Variants in CTNNA2 observed in about 807,000 individuals in gnomAD.
CTNNA2 encodes the protein catenin alpha-2.
A neutral mutation model predicts 101.0 loss-of-function variants in CTNNA2; 42 were observed. The observed-to-expected ratio is 0.42, with a 90% CI of 0.32 to 0.54. The LOEUF is 0.54. Among genes scored for constraint, CTNNA2 ranks in the 20% least tolerant of loss-of-function variants. The probability of loss-of-function intolerance (pLI) is 0.14; values close to 1 mark genes in which losing one functional copy is unlikely to be tolerated. For missense variants in CTNNA2, 871 were observed against 1,223.1 expected, an observed-to-expected ratio of 0.71 and a Z score of 4.29; for synonymous variants, 450 against 456.4, an observed-to-expected ratio of 0.99 and a Z score of 0.18.
chr2:80,369,175 T>A (rs1331601501), intron 7 of CTNNA2, among the ~76,000 whole-genome samples: 4 of 152,130 alleles, frequency 2.6e-5, no homozygotes, highest in African/African-American at 9.7e-5. Context: ...CATCTTATTC[T>A]TATCTTTTTA....
chr2:80,013,645 C>T (rs566846625), intron 7 of CTNNA2, among the ~76,000 whole-genome samples: 1 of 152,282 alleles, frequency 6.6e-6, no homozygotes, highest in South Asian at 2.1e-4. Flanking sequence ...TTGTTCTCTT[C>T]CACCCACGTA....
intron 1 of CTNNA2, among the ~76,000 whole-genome samples, chr2:79,534,956 T>C (rs1051207754): frequency 1.4e-4 from 21 of 151,394 alleles, no homozygotes; most frequent in Non-Finnish European, 2.9e-4. Context: ...AACTATTTAA[T>C]CTGATATTGA....
intron 7 of CTNNA2, among the ~76,000 whole-genome samples, chr2:80,229,692 T>C (rs895014985): frequency 4.6e-5 from 7 of 152,140 alleles, no homozygotes; most frequent in Non-Finnish European, 7.3e-5. Flanking sequence ...GGACAGGGGA[T>C]TGAAAGTTCC....
intron 9 of CTNNA2, among the ~76,000 whole-genome samples, chr2:80,508,232 T>C (rs1688423902): frequency 6.6e-6 from 1 of 152,070 alleles, no homozygotes; most frequent in South Asian, 2.1e-4. Flanking sequence ...TTTGGGAGGC[T>C]GAGGAAAGGA....
At chr2:80,518,084 A>G (rs1280619738) in intron 9 of CTNNA2, among the ~76,000 whole-genome samples, 4 of 152,232 alleles carry the variant, frequency 2.6e-5, no homozygotes, top group Non-Finnish European at 5.9e-5. Flanking sequence ...GCTGTCCTTC[A>G]CTCAAAGACA....
intron 2 of CTNNA2, among the ~76,000 whole-genome samples, chr2:79,200,895 A>T (rs1282831961): frequency 1.3e-5 from 2 of 152,198 alleles, no homozygotes; most frequent in Non-Finnish European, 2.9e-5. Context: ...ATAAGTATCA[A>T]ATCTGAAAGG....
intron 10 of CTNNA2, among the ~76,000 whole-genome samples, chr2:80,545,359 C>A (rs1691952459): frequency 6.6e-6 from 1 of 152,212 alleles, no homozygotes; most frequent in South Asian, 2.1e-4. Context: ...CCAGCCTGGG[C>A]AACATAGTGA....
intron 2 of CTNNA2, among the ~76,000 whole-genome samples, chr2:79,712,707 C>A (rs1031997476): frequency 8.6e-5 from 13 of 151,994 alleles, no homozygotes; most frequent in African/African-American, 3.1e-4. Context: ...GATGAGCTGG[C>A]CATGGCATAG....
chr2:80,324,437 C>G (rs1003423909), intron 7 of CTNNA2, among the ~76,000 whole-genome samples: 1 of 152,116 alleles, frequency 6.6e-6, no homozygotes. Flanking sequence ...CTGATCGTCT[C>G]GGGGTTAAGC....
At chr2:79,497,934 A>C (rs1009125063) in intron 4 of CTNNA2, 5 of 152,230 alleles carry the variant, frequency 3.3e-5, no homozygotes, top group Admixed American at 2.0e-4. Context: ...AGTACAGGGT[A>C]GGGCACATTG....
intron 15 of CTNNA2, chr2:80,601,528 A>G (rs542221646): frequency 7.0e-6 from 1 of 143,756 alleles, no homozygotes; most frequent in Non-Finnish European, 1.5e-5. Flanking sequence ...TTGATAATTT[A>G]TATTCTCCTA....
At chr2:79,512,363 C>T (rs1005374950), upstream of CTNNA2, among the ~76,000 whole-genome samples, 11 of 152,128 alleles carry the variant, frequency 7.2e-5, no homozygotes, top group African/African-American at 2.2e-4. Context: ...GCAAATATTC[C>T]AGTTGTTTTA....
chr2:79,842,763 T>C (rs1277056890), intron 3 of CTNNA2, among the ~76,000 whole-genome samples: 1 of 152,122 alleles, frequency 6.6e-6, no homozygotes, highest in Non-Finnish European at 1.5e-5. Flanking sequence ...CTGTGAGATT[T>C]TATATTTATA....
At chr2:79,582,295 T>C (rs879663803) in intron 1 of CTNNA2, among the ~76,000 whole-genome samples, 5 of 152,260 alleles carry the variant, frequency 3.3e-5, no homozygotes, top group Non-Finnish European at 7.3e-5. Flanking sequence ...TTTTAAGTTT[T>C]AATTTTAAAT....
chr2:79,226,479 C>T (rs1414199777), intron 2 of CTNNA2, among the ~76,000 whole-genome samples: 3 of 151,964 alleles, frequency 2.0e-5, no homozygotes, highest in Admixed American at 2.0e-4. Context: ...GCCAGTTTCA[C>T]CTGATCCCTC....
chr2:80,639,368 C>A (rs772348015), intron 18 of CTNNA2, among the ~76,000 whole-genome samples: 3 of 152,072 alleles, frequency 2.0e-5, no homozygotes, highest in Admixed American at 1.3e-4. Flanking sequence ...TGCCACCACG[C>A]CAGGCTAATT....
At chr2:80,471,496 A>G (rs1685300987) in intron 9 of CTNNA2, among the ~76,000 whole-genome samples, 1 of 152,218 alleles carries the variant, frequency 6.6e-6, no homozygotes, top group Non-Finnish European at 1.5e-5. Flanking sequence ...TCTACTAAAA[A>G]TATCTGGAGA....
chr2:79,599,033 T>C (rs1458054582), intron 1 of CTNNA2, among the ~76,000 whole-genome samples: 3 of 152,200 alleles, frequency 2.0e-5, no homozygotes, highest in African/African-American at 7.2e-5. Flanking sequence ...ATCCAGTTTT[T>C]CCAACACCAC....
chr2:79,263,212 G>A (rs373550208), intron 2 of CTNNA2, among the ~76,000 whole-genome samples: 20 of 152,244 alleles, frequency 1.3e-4, no homozygotes, highest in African/African-American at 4.1e-4. Context: ...ATCTCATGTC[G>A]AAATGTGACT....
Sources: allele counts gnomAD v4.1 joint callset (sites outside exome capture counted in the v4.1 genomes callset), GRCh38; gene constraint gnomAD v4.1.1; transcripts MANE v1.5; gene names NCBI Gene and HGNC (gene_info 2026-07-23, HGNC 2026-07-21).